The following C2CD2 variants were observed in gnomAD, a reference collection of about 807,000 sequenced individuals.
C2CD2 encodes C2 calcium dependent domain containing 2, also known as C2 domain-containing protein 2.
C2CD2 carries 43 observed loss-of-function variants against 74.3 expected under a neutral mutation model. The observed-to-expected ratio is 0.58, with a 90% CI of 0.45 to 0.75. The LOEUF (loss-of-function observed/expected upper bound fraction) is 0.75, where lower values mean the gene tolerates loss of function less well. C2CD2 is among the 30% of genes least tolerant of loss of function. The pLI, the probability that C2CD2 is intolerant of heterozygous loss-of-function variation, is 0.00. For synonymous variants in C2CD2, 422 were observed against 390.7 expected (o/e 1.08, Z -0.94); for missense variants, 801 against 916.3 (o/e 0.87, Z 1.63).
At chr21:41,917,705 G>A (rs1029012483) in intron 5 of C2CD2, among the ~76,000 whole-genome samples, 2 of 152,198 alleles carry the variant, frequency 1.3e-5, no homozygotes, top group Non-Finnish European at 2.9e-5. Flanking sequence ...CCAAGAGGCA[G>A]GAGCTGTTGC....
At chr21:41,890,508 C>T (rs2064738875) in intron 13 of C2CD2, among the ~76,000 whole-genome samples, 1 of 152,210 alleles carries the variant, frequency 6.6e-6, no homozygotes, top group Non-Finnish European at 1.5e-5. Context: ...TTAACCAAGG[C>T]TGGCAAGGTC....
intron 1 of C2CD2, among the ~76,000 whole-genome samples, chr21:41,943,402 C>A (rs573789105): frequency 9.9e-5 from 15 of 152,260 alleles, no homozygotes; most frequent in African/African-American, 3.1e-4. Flanking sequence ...TGTGACCAAC[C>A]AAGTCTTGTC....
At chr21:41,908,418 T>G (rs1401739502) in intron 8 of C2CD2, 1 of 153,074 alleles carries the variant, frequency 6.5e-6, no homozygotes, top group Non-Finnish European at 1.5e-5. Flanking sequence ...ATGGATTCCA[T>G]CAGGCTGGGC....
chr21:41,906,648 A>C (rs999303862), intron 10 of C2CD2, among the ~76,000 whole-genome samples: 8 of 152,204 alleles, frequency 5.3e-5, no homozygotes, highest in African/African-American at 1.9e-4. Context: ...TACAGGAGTG[A>C]GACACTGCAC....
intron 8 of C2CD2, among the ~76,000 whole-genome samples, chr21:41,909,100 G>A (rs1284708402): frequency 6.6e-6 from 1 of 152,120 alleles, no homozygotes; most frequent in East Asian, 1.9e-4. Context: ...ATTTTATGTT[G>A]TTTATCTTAC....
chr21:41,920,059 G>A (rs939637186), intron 3 of C2CD2, among the ~76,000 whole-genome samples: 12 of 152,176 alleles, frequency 7.9e-5, no homozygotes, highest in Non-Finnish European at 1.0e-4. Flanking sequence ...TCAAGGAGCC[G>A]GAAATGGCCC....
In C2CD2 at chr21:41,901,761, A is replaced by C; in HGVS notation, c.1433-12T>G. ...CAACACCAACAATTCTACCAGAAGG[A>C]AGGCAGTGTTAAGTTCATCAGCAAA... On this transcript the variant is annotated splice_polypyrimidine_tract_variant and intron_variant, in intron 11 of 13. Transcript: ENST00000380486. 6.2e-7 allele frequency: 1 copy of C among 1,613,610 alleles called. No individual in the cohort carries two copies. The highest frequency in any genetic ancestry group is 8.5e-7 in the Non-Finnish European group (1 of 1,179,456).
At position 41,947,243 on chromosome 21, in the gene C2CD2, T is replaced by C. The variant is rs550362096; in HGVS notation, c.280-4998A>G. Among the ~76,000 whole-genome samples, 162 of 148,674 alleles carry C rather than the reference T, an allele frequency of 1.1e-3. 1 individual carries two copies. The highest frequency in any genetic ancestry group is 3.7e-3 in the African/African-American group (151 of 40,616). Reference sequence around the variant, plus strand: ...CGCGATCTCGGCTCACTGCAACCTCTGCCTCCTGGGTTCAAGCAATTCTCC... The same window carrying C: ...CGCGATCTCGGCTCACTGCAACCTCCGCCTCCTGGGTTCAAGCAATTCTCC... On this transcript the variant is annotated intron_variant, in intron 1 of 13. Transcript: ENST00000380486.
chr21:41,909,552 TAA>T, intron 7 of C2CD2, 29 bp from the exon 8 acceptor site: 2 of 1,473,606 alleles, frequency 1.4e-6, no homozygotes, highest in Non-Finnish European at 1.9e-6. Context: ...TTATGAGTCC[TAA>T]AAAATGCAAT....
intron 6 of C2CD2, 66 bp from the exon 7 acceptor site, chr21:41,912,506 T>C (rs1302318231): frequency 6.4e-6 from 5 of 786,914 alleles, no homozygotes; most frequent in Non-Finnish European, 9.0e-6. Context: ...TTTTTTTTTT[T>C]TTGAGACAGA....
rs561722492 is a variant in C2CD2, at chr21:41,913,029, C to T, written c.845-589G>A. On this transcript the variant is annotated intron_variant, in intron 6 of 13. Transcript: ENST00000380486. The stretch of plus-strand genomic sequence containing the variant: ...CCCCTCCGTCAGTGCTGGCCACAAG[C>T]GTGGGCTCCCAGGGGGACCCTCCCC... Among the ~76,000 whole-genome samples the T allele has an allele frequency of 7.4e-4, 113 of 152,342 alleles. 1 individual carries two copies. Among genetic ancestry groups the T allele is most frequent in the African/African-American group, 2.6e-3 (107 of 41,580 alleles).
intron 1 of C2CD2, among the ~76,000 whole-genome samples, chr21:41,951,974 G>A (rs2065453937): frequency 6.6e-6 from 1 of 152,188 alleles, no homozygotes; most frequent in Non-Finnish European, 1.5e-5. Context: ...CACCAGCCTG[G>A]AGGGGACTCA....
Position 41,953,702 on chromosome 21 carries a change from C to G in C2CD2, c.-54G>C, listed in dbSNP as rs1035573493. The G allele has an allele frequency of 5.1e-5, 68 of 1,326,836 alleles. No homozygotes were observed. The highest frequency in any genetic ancestry group is 1.1e-5 in the Non-Finnish European group (11 of 1,041,640). The allele number at this position is 1,326,836 out of a possible 1,614,324, so 82.2% of individuals were successfully genotyped here. A position where few individuals can be genotyped will look rare whatever the true frequency, so the allele number is the denominator to read the frequency against. On this transcript the variant is annotated 5_prime_UTR_variant, in exon 1 of 14. Transcript: ENST00000380486. Reference sequence around the variant, plus strand: ...CTTCCCCGGCAGCCCCGGGCCGGAACGGCGGACTCAGGACACGCGCTGGCT... The same window carrying G: ...CTTCCCCGGCAGCCCCGGGCCGGAAGGGCGGACTCAGGACACGCGCTGGCT...
intron 13 of C2CD2, among the ~76,000 whole-genome samples, chr21:41,893,718 T>TTC (rs1438637778): frequency 1.4e-5 from 2 of 144,646 alleles, no homozygotes; most frequent in Non-Finnish European, 3.0e-5. Context: ...TTTTTTTTTT[T>TTC]TGAGACGGAG....
Position 41,905,773 on chromosome 21 carries a change from G to A in C2CD2, c.1383C>T (p.Ile461=), listed in dbSNP as rs766689178. The A allele has an allele frequency of 2.0e-5, 33 of 1,612,152 alleles. No homozygotes were observed. The South Asian group carries it at 2.1e-4, about 10-fold the overall frequency. Residue 461 remains isoleucine (I), a synonymous_variant, in exon 11 of 14, where the codon ATC becomes ATT. Transcript: ENST00000380486. Reference sequence around the variant, plus strand: ...TGCTGACGGGGGCGCTGCGGCAGGCGATGGCCTGGACAGAGATGTCCTTCT... The same window carrying A: ...TGCTGACGGGGGCGCTGCGGCAGGCAATGGCCTGGACAGAGATGTCCTTCT... ...VIEKDISVQA[I]ACRSAPVSKT... is the part of the protein sequence containing the mutation.
intron 13 of C2CD2, among the ~76,000 whole-genome samples, chr21:41,890,993 A>G (rs1012284641): frequency 3.3e-5 from 5 of 152,250 alleles, no homozygotes; most frequent in African/African-American, 7.2e-5. Context: ...CAAAGCGGCC[A>G]TAATTTTTTA....
At chr21:41,951,291 T>C (rs2065448679) in intron 1 of C2CD2, among the ~76,000 whole-genome samples, 2 of 152,214 alleles carry the variant, frequency 1.3e-5, no homozygotes, top group African/African-American at 4.8e-5. Context: ...AGATCCTATC[T>C]GCCTGCAAAA....
chr21:41,903,113 C>A lies in C2CD2; in HGVS notation c.1433-1364G>T, dbSNP rs1445275893. Among the ~76,000 whole-genome samples the A allele has an allele frequency of 6.6e-6, 1 of 152,164 alleles. No individual in the cohort carries two copies. Among genetic ancestry groups the A allele is most frequent in the Non-Finnish European group, 1.5e-5 (1 of 68,024 alleles). ...TCCAGGTTGTGAACCAACGCATGCA[C>A]GTACTGGGAAAGGGGCGACTCCACG... On this transcript the variant is annotated intron_variant, in intron 11 of 13. Transcript: ENST00000380486. This position sits in a 1 kb window ranked among gnomAD's most constrained non-coding sequence, Gnocchi z 4.5.
intron 2 of C2CD2, among the ~76,000 whole-genome samples, chr21:41,927,597 AG>A (rs1172252455): frequency 6.6e-6 from 1 of 151,856 alleles, no homozygotes; most frequent in African/African-American, 2.4e-5. Flanking sequence ...CAGCCTCCCG[AG>A]TAGTTGGGAC....
Sources: gnomAD v4.1 joint callset for allele counts (sites outside exome capture counted in the v4.1 genomes callset) on GRCh38, gnomAD v4.1.1 for gene constraint, Gnocchi (gnomAD v3.1) non-coding constraint, MANE v1.5 for transcripts, NCBI Gene and HGNC (gene_info 2026-07-23, HGNC 2026-07-21) for gene names.